The following RPL18A variants were observed in gnomAD, a reference collection of about 807,000 sequenced individuals.
The protein encoded by RPL18A is large ribosomal subunit protein eL20.
For missense variants in RPL18A, 163 were observed against 254.1 expected (o/e 0.64, Z 2.44); for synonymous variants, 122 against 96.9 (o/e 1.26, Z -1.52).
At chr19:17,862,715 A>G (rs1434025675) in intron 3 of RPL18A, 2 of 761,822 alleles carry the variant, frequency 2.6e-6, no homozygotes, top group African/African-American at 1.7e-5. Context: ...TGGAGGTTCC[A>G]CAACTCTAGT....
intron 2 of RPL18A, chr19:17,861,856 G>C: frequency 3.5e-6 from 2 of 575,602 alleles, no homozygotes; most frequent in Non-Finnish European, 6.1e-6. Context: ...TCTGGGGCTG[G>C]GTTGGTGTCC....
Position 17,862,074 on chromosome 19 carries a change from C to T in RPL18A, c.199-20C>T. On this transcript the variant is annotated intron_variant, in intron 2 of 4. Coordinates refer to ENST00000222247, the MANE Select transcript of RPL18A (RefSeq NM_000980.4). ...ATCGGCTTGCTGCTCTCACATCTCC[C>T]TGTGGCCTCTCCTTGGCAGGTGTTT... 4.3e-6 allele frequency: 7 copies of T among 1,610,496 alleles called. No individual in the cohort carries two copies. The highest frequency in any genetic ancestry group is 4.2e-6 in the Non-Finnish European group (5 of 1,179,122).
intron 1 of RPL18A, chr19:17,861,037 C>T (rs570300226): frequency 3.6e-5 from 19 of 527,526 alleles, no homozygotes; most frequent in African/African-American, 3.3e-4. Flanking sequence ...GGTCTGAAAC[C>T]CTTAGCCCAG....
rs199939502 is a variant in RPL18A at position 17,862,948 on chromosome 19, G to A, written c.359G>A (p.Arg120Gln). 41 of 1,612,028 alleles carry A rather than the reference G, an allele frequency of 2.5e-5. No individual in the cohort carries two copies. Among genetic ancestry groups the A allele is most frequent in the East Asian group, 6.7e-5 (3 of 44,858 alleles). ...GACATGGGTGCCCGGCACCGCGCCC[G>A]AGCCCACTCCATTCAGATCATGAAG... Reference protein sequence around the residue: ...YRDMGARHRARAHSIQIMKVE... With the variant: ...YRDMGARHRAQAHSIQIMKVE... The change falls in exon 4 of 5, where the codon CGA becomes CAA. Residue 120 changes from arginine to glutamine, a missense_variant. Physicochemically the swap from Arg to Gln is conservative, Grantham distance 43. Transcript: ENST00000222247.
intron 2 of RPL18A, chr19:17,861,757 A>G: frequency 1.8e-6 from 1 of 544,248 alleles, no homozygotes; most frequent in Non-Finnish European, 3.3e-6. Flanking sequence ...CCTGTCTGTT[A>G]AGTGAGGAGA....
Position 17,859,952 on chromosome 19 carries a change from A to T in RPL18A, c.-5A>T, listed in dbSNP as rs201563703. The T allele has an allele frequency of 6.5e-7, 1 of 1,542,326 alleles. No homozygotes were observed. Among genetic ancestry groups the T allele is most frequent in the Non-Finnish European group, 8.7e-7 (1 of 1,145,030 alleles). On this transcript the variant is annotated 5_prime_UTR_variant, in exon 1 of 5. Coordinates refer to ENST00000222247, the MANE Select transcript of RPL18A (RefSeq NM_000980.4). ...GCGGGTGGCGGCGAACGCGGAGAGC[A>T]CGCCATGAAGGCCTCGGGCACGGTA...
intron 3 of RPL18A, 170 bp downstream of exon 3, chr19:17,862,393 G>C: frequency 1.3e-6 from 1 of 781,648 alleles, no homozygotes; most frequent in Non-Finnish European, 2.1e-6. Flanking sequence ...TGAGAGCCCT[G>C]CCAGGCTCGG....
intron 3 of RPL18A, chr19:17,862,582 TC>T: frequency 1.4e-6 from 1 of 701,602 alleles, no homozygotes; most frequent in South Asian, 1.4e-5. Flanking sequence ...CCCCCACACC[TC>T]CCTGATTGCA....
In RPL18A at chr19:17,863,284, T is replaced by G. The variant is rs1412990880; in HGVS notation, c.*21T>G. On this transcript the variant is annotated 3_prime_UTR_variant, in exon 5 of 5. Transcript: ENST00000222247. Reference sequence around the variant, plus strand: ...TCTAGGTGCAGGGCCCTCGTCCGGGTGTGCCCCAAATAAACTCAGGAACGC... The same window carrying G: ...TCTAGGTGCAGGGCCCTCGTCCGGGGGTGCCCCAAATAAACTCAGGAACGC... 5 of 1,461,228 alleles carry G rather than the reference T, an allele frequency of 3.4e-6. No homozygotes were observed. In the South Asian group the frequency reaches 3.5e-5, roughly 10 times the overall value. 90.5% of individuals were successfully genotyped at this position (1,461,228 alleles called of 1,614,324 possible). A position where few individuals can be genotyped will look rare whatever the true frequency, so the allele number is the denominator to read the frequency against.
At chr19:17,860,091 G>T in intron 1 of RPL18A, 117 bp downstream of exon 1, 1 of 873,988 alleles carries the variant, frequency 1.1e-6, no homozygotes. Context: ...GCCCCCCTTG[G>T]CCGCGCGCCG....
chr19:17,859,916 C>G lies in RPL18A; in HGVS notation c.-41C>G. The G allele has an allele frequency of 1.3e-6, 2 of 1,542,674 alleles. No individual in the cohort carries two copies. The highest frequency in any genetic ancestry group is 2.3e-4 in the Middle Eastern group (1 of 4,358). ...TGGTGAACGGCTGCGCGACAGAGGACACTTCCTTTTGCGGGTGGCGGCGAA... is the reference window on the plus strand; with the variant it reads ...TGGTGAACGGCTGCGCGACAGAGGAGACTTCCTTTTGCGGGTGGCGGCGAA... On this transcript the variant is annotated 5_prime_UTR_variant, in exon 1 of 5. Transcript: ENST00000222247.
At chr19:17,860,201 C>T (rs1212909359) in intron 1 of RPL18A, 2 of 510,032 alleles carry the variant, frequency 3.9e-6, no homozygotes, top group Non-Finnish European at 6.8e-6. Flanking sequence ...GGCCCAAGGA[C>T]TCCGGGTCTT....
chr19:17,862,718 ACT>A lies in RPL18A; in HGVS notation c.329-197_329-196del, dbSNP rs1169982923. On this transcript the variant is annotated intron_variant, in intron 3 of 4. Transcript: ENST00000222247. ...TCAAAGTGAATTTGGAGGTTCCACA[ACT>A]CTAGTGGCCAGTGACTGCAGGGACC... is the stretch of plus-strand genomic sequence containing the variant. 5.3e-6 allele frequency: 4 copies of A among 761,592 alleles called. No individual in the cohort carries two copies. The African/African-American group carries it at 6.8e-5, about 13-fold the overall frequency. 47.2% of individuals were successfully genotyped at this position (761,592 alleles called of 1,614,324 possible). A position where few individuals can be genotyped will look rare whatever the true frequency, so the allele number is the denominator to read the frequency against.
At chr19:17,860,221 G>A in intron 1 of RPL18A, 1 of 504,820 alleles carries the variant, frequency 2.0e-6, no homozygotes, top group Non-Finnish European at 3.4e-6. Flanking sequence ...TCTTCCCGGG[G>A]GAAGGAATAA....
intron 2 of RPL18A, chr19:17,861,696 G>A: frequency 1.7e-6 from 1 of 574,678 alleles, no homozygotes; most frequent in Non-Finnish European, 3.1e-6. Context: ...GACCCAGGGA[G>A]CGGGTGGGTG....
chr19:17,860,542 C>T (rs2094275389), intron 1 of RPL18A, among the ~76,000 whole-genome samples: 1 of 152,224 alleles, frequency 6.6e-6, no homozygotes, highest in Non-Finnish European at 1.5e-5. Flanking sequence ...GGGCGGGCCC[C>T]ATTGTTCCCT....
chr19:17,861,189 C>T (rs2094276628), intron 1 of RPL18A, 104 bp from the exon 2 acceptor site: 4 of 1,131,180 alleles, frequency 3.5e-6, no homozygotes, highest in Non-Finnish European at 5.2e-6. Flanking sequence ...GCCCTGCCTC[C>T]TGCTTCCCGA....
Position 17,859,915 on chromosome 19 carries a change from A to G in RPL18A, c.-42A>G, listed in dbSNP as rs1224997392. On this transcript the variant is annotated 5_prime_UTR_variant, in exon 1 of 5. Transcript: ENST00000222247. Reference sequence around the variant, plus strand: ...CTGGTGAACGGCTGCGCGACAGAGGACACTTCCTTTTGCGGGTGGCGGCGA... The same window carrying G: ...CTGGTGAACGGCTGCGCGACAGAGGGCACTTCCTTTTGCGGGTGGCGGCGA... 28 of 1,542,378 alleles carry G rather than the reference A, an allele frequency of 1.8e-5. No homozygotes were observed. The highest frequency in any genetic ancestry group is 2.4e-5 in the Non-Finnish European group (27 of 1,144,392).
chr19:17,861,974 C>A, intron 2 of RPL18A, 120 bp from the exon 3 acceptor site: 1 of 1,187,668 alleles, frequency 8.4e-7, no homozygotes, highest in Non-Finnish European at 1.2e-6. Flanking sequence ...GCACAAGAGT[C>A]TGGCCATAGA....
Sources: allele counts gnomAD v4.1 joint callset (sites outside exome capture counted in the v4.1 genomes callset), GRCh38; gene constraint gnomAD v4.1.1; transcripts MANE v1.5; gene names NCBI Gene and HGNC (gene_info 2026-07-23, HGNC 2026-07-21).